PCNX2: variants seen among roughly 807,000 people sequenced by gnomAD.
The protein encoded by PCNX2 is pecanex-like protein 2.
In PCNX2, 168 loss-of-function variants were observed where a neutral mutation model predicts 223.8. The ratio of observed to expected loss-of-function variants is 0.75; its 90% CI spans 0.66 to 0.85. PCNX2 has a LOEUF of 0.85. PCNX2 is among the 40% of genes least tolerant of loss of function. PCNX2 has a pLI of 0.00. For missense variants in PCNX2, 2,507 were observed against 2,675.5 expected (o/e 0.94, Z 1.39); for synonymous variants, 1,006 against 1,052.6 (o/e 0.96, Z 0.86).
At chr1:233,316,131 C>A in the PCNX2 span, among the ~76,000 whole-genome samples, 1 of 152,286 alleles carries the variant, frequency 6.6e-6, no homozygotes, top group South Asian at 2.1e-4. Flanking sequence ...ATTTCAGCGG[C>A]CCTTGCTATA....
intron 1 of PCNX2, among the ~76,000 whole-genome samples, chr1:233,292,198 CTTTCTTTTTTTT>C (rs1661806398): frequency 7.4e-6 from 1 of 134,344 alleles, no homozygotes; most frequent in African/African-American, 3.0e-5. Context: ...TTCTTTCTTT[CTTTCTTTTTTTT>C]TTTTTTTTTT....
chr1:233,057,595 C>T, intron 23 of PCNX2: 1 of 257,446 alleles, frequency 3.9e-6, no homozygotes, highest in Non-Finnish European at 7.5e-6. Context: ...TTAGGCTGAG[C>T]ACGGTGGCTC....
intron 21 of PCNX2, among the ~76,000 whole-genome samples, chr1:233,132,079 G>A (rs777828909): frequency 2.0e-5 from 3 of 151,948 alleles, no homozygotes; most frequent in Admixed American, 2.0e-4. Flanking sequence ...TGGGATTACA[G>A]GCACCCGCCA....
intron 13 of PCNX2, among the ~76,000 whole-genome samples, chr1:233,206,978 T>C (rs1246466135): frequency 6.7e-6 from 1 of 150,102 alleles, no homozygotes; most frequent in Non-Finnish European, 1.5e-5. Flanking sequence ...ATCACTGTAC[T>C]CCAGCTTGGG....
intron 32 of PCNX2, among the ~76,000 whole-genome samples, chr1:232,996,403 C>T (rs778278581): frequency 4.1e-4 from 63 of 152,082 alleles, no homozygotes; most frequent in Non-Finnish European, 8.7e-4. Context: ...TCCTGAAACA[C>T]ATTTTTCATG....
chr1:233,005,584 C>G (rs919247592), intron 28 of PCNX2, among the ~76,000 whole-genome samples: 2 of 152,158 alleles, frequency 1.3e-5, no homozygotes, highest in Non-Finnish European at 2.9e-5. Context: ...AGTTAGAATT[C>G]CACTAGATCA....
chr1:233,018,926 G>A, intron 26 of PCNX2: 1 of 985,414 alleles, frequency 1.0e-6, no homozygotes, highest in South Asian at 4.7e-5. Context: ...TGGGTGGACG[G>A]AAACGAAGTC....
At chr1:232,992,140 T>C (rs575415221) in intron 32 of PCNX2, among the ~76,000 whole-genome samples, 1 of 152,376 alleles carries the variant, frequency 6.6e-6, no homozygotes, top group Non-Finnish European at 1.5e-5. Flanking sequence ...CAATCTCCCC[T>C]GTCTTCTTCC....
intron 21 of PCNX2, among the ~76,000 whole-genome samples, chr1:233,116,910 G>C (rs1234975119): frequency 6.6e-6 from 1 of 151,976 alleles, no homozygotes; most frequent in African/African-American, 2.4e-5. Context: ...GACTGACAAA[G>C]AAAAACACAA....
At chr1:233,212,375 C>A (rs1156966526) in intron 12 of PCNX2, among the ~76,000 whole-genome samples, 3 of 152,110 alleles carry the variant, frequency 2.0e-5, no homozygotes, top group African/African-American at 7.2e-5. Flanking sequence ...TAAGGTACAA[C>A]GTCAATTTAA....
intron 17 of PCNX2, among the ~76,000 whole-genome samples, chr1:233,170,612 G>A (rs1679095196): frequency 6.6e-6 from 1 of 151,942 alleles, no homozygotes; most frequent in Non-Finnish European, 1.5e-5. Flanking sequence ...CTTTTGTGTT[G>A]TTTTAAAAAA....
At chr1:233,320,087 C>T in the PCNX2 span, among the ~76,000 whole-genome samples, 3 of 152,116 alleles carry the variant, frequency 2.0e-5, no homozygotes, top group Non-Finnish European at 4.4e-5. Flanking sequence ...ATTCTAGCCT[C>T]ATAAAGATAT....
chr1:233,320,827 C>T, the PCNX2 span, among the ~76,000 whole-genome samples: 1 of 151,992 alleles, frequency 6.6e-6, no homozygotes. Flanking sequence ...ATTGATATCA[C>T]TACCAATCTT....
At chr1:233,215,493 C>T (rs1682069237) in intron 12 of PCNX2, among the ~76,000 whole-genome samples, 1 of 152,186 alleles carries the variant, frequency 6.6e-6, no homozygotes, top group Admixed American at 6.5e-5. Context: ...TAATATAACT[C>T]CAACCTAGAG....
intron 27 of PCNX2, among the ~76,000 whole-genome samples, 184 bp from the exon 28 acceptor site, chr1:233,014,961 G>C (rs187317190): frequency 6.6e-6 from 1 of 151,704 alleles, no homozygotes; most frequent in Admixed American, 6.6e-5. Flanking sequence ...GGTTGGACAC[G>C]GAAAAAAAAA....
chr1:233,248,716 T>C (rs1272445603), intron 8 of PCNX2, among the ~76,000 whole-genome samples: 1 of 152,134 alleles, frequency 6.6e-6, no homozygotes, highest in Non-Finnish European at 1.5e-5. Flanking sequence ...GAAAGGGGTC[T>C]GACTATTCTG....
intron 23 of PCNX2, among the ~76,000 whole-genome samples, chr1:233,065,132 G>C (rs969590067): frequency 6.6e-5 from 10 of 151,936 alleles, no homozygotes; most frequent in African/African-American, 2.2e-4. Context: ...TGCTTTTCTG[G>C]TTTCTTCTAT....
At position 233,127,327 on chromosome 1, in the gene PCNX2, G is replaced by A. The variant is rs115954108; in HGVS notation, c.3837+7686C>T. On this transcript the variant is annotated intron_variant, in intron 21 of 33. Transcript: ENST00000258229. Reference sequence around the variant, plus strand: ...TTTTCACACTTCCCAAATTTCTCACGGTTTCCGGAATGTGCCAACTCCTCT... The same window carrying A: ...TTTTCACACTTCCCAAATTTCTCACAGTTTCCGGAATGTGCCAACTCCTCT... 4.7e-3 allele frequency among the ~76,000 whole-genome samples: 708 copies of A among 152,010 alleles called. 1 individual carries two copies. Among genetic ancestry groups the A allele is most frequent in the African/African-American group, 0.015 (636 of 41,426 alleles).
At chr1:233,129,631 T>C (rs1676335917) in intron 21 of PCNX2, among the ~76,000 whole-genome samples, 1 of 152,226 alleles carries the variant, frequency 6.6e-6, no homozygotes, top group African/African-American at 2.4e-5. Context: ...TAAGGGATTG[T>C]AAACACACCA....
Sources: gnomAD v4.1 joint callset for allele counts (sites outside exome capture counted in the v4.1 genomes callset) on GRCh38, gnomAD v4.1.1 for gene constraint, MANE v1.5 for transcripts, NCBI Gene and HGNC (gene_info 2026-07-23, HGNC 2026-07-21) for gene names.